Variants in ENPP2 observed in about 807,000 individuals in gnomAD.
ENPP2 encodes autotaxin.
A neutral mutation model predicts 120.2 loss-of-function variants in ENPP2; 51 were observed. That is an observed-to-expected ratio of 0.42 (90% CI 0.34 to 0.54). The LOEUF (loss-of-function observed/expected upper bound fraction) is 0.54. ENPP2 is among the 20% of genes least tolerant of loss of function. The pLI is 0.04. For missense variants in ENPP2, 920 were observed against 1,066.5 expected (o/e 0.86, Z 1.91); for synonymous variants, 365 against 366.4 (o/e 1.00, Z 0.04).
intron 1 of ENPP2, among the ~76,000 whole-genome samples, chr8:119,668,265 G>A (rs1587597566): frequency 6.6e-6 from 1 of 151,924 alleles, no homozygotes; most frequent in Admixed American, 6.5e-5. Context: ...CCACATATTA[G>A]GTGCTCAAAT....
intron 9 of ENPP2, among the ~76,000 whole-genome samples, chr8:119,603,373 T>C (rs1203708620): frequency 6.6e-6 from 1 of 152,154 alleles, no homozygotes; most frequent in Non-Finnish European, 1.5e-5. Flanking sequence ...AAATACAAAC[T>C]AACAGAATCT....
At chr8:119,580,084 C>T in intron 19 of ENPP2, 32 bp downstream of exon 19, 2 of 1,553,724 alleles carry the variant, frequency 1.3e-6, no homozygotes, top group Non-Finnish European at 1.8e-6. Flanking sequence ...ACGAGAAAAA[C>T]CTTATCTGAT....
intron 8 of ENPP2, among the ~76,000 whole-genome samples, chr8:119,615,068 T>C (rs1815366314): frequency 6.6e-6 from 1 of 152,138 alleles, no homozygotes. Context: ...TTTCTTAAAG[T>C]GAGATACCTT....
At chr8:119,596,112 G>A (rs902236695) in intron 11 of ENPP2, 26 of 998,098 alleles carry the variant, frequency 2.6e-5, no homozygotes, top group Non-Finnish European at 3.8e-5. Context: ...GAATAACTAA[G>A]GCTCCTTAAG....
chr8:119,660,226 G>A (rs775429548), intron 1 of ENPP2, among the ~76,000 whole-genome samples: 20 of 152,132 alleles, frequency 1.3e-4, no homozygotes, highest in Non-Finnish European at 2.4e-4. Flanking sequence ...TGAAAAAACA[G>A]TTATTTGAAA....
intron 18 of ENPP2, chr8:119,580,807 C>T (rs1812678572): frequency 6.6e-6 from 1 of 152,080 alleles, no homozygotes; most frequent in African/African-American, 2.4e-5. Flanking sequence ...AATAAGTGAG[C>T]TAAAACTTCA....
intron 12 of ENPP2, among the ~76,000 whole-genome samples, chr8:119,592,523 C>CCCAAA (rs1390202882): frequency 6.6e-6 from 1 of 150,884 alleles, no homozygotes; most frequent in Non-Finnish European, 1.5e-5. Flanking sequence ...CTGTAGTTGT[C>CCCAAA]CCAAACCAAA....
At chr8:119,560,497 T>C (rs1813845738) in intron 24 of ENPP2, among the ~76,000 whole-genome samples, 1 of 152,204 alleles carries the variant, frequency 6.6e-6, no homozygotes, top group African/African-American at 2.4e-5. Flanking sequence ...AATATTGTTG[T>C]CTTCCATCCT....
chr8:119,600,350 G>T (rs1814210079), intron 11 of ENPP2, among the ~76,000 whole-genome samples: 1 of 151,928 alleles, frequency 6.6e-6, no homozygotes, highest in Non-Finnish European at 1.5e-5. Context: ...TCCATGCCTA[G>T]CCCATTGAAG....
At chr8:119,571,005 T>A (rs748674027) in intron 19 of ENPP2, 164 bp from the exon 20 acceptor site, 64 of 437,294 alleles carry the variant, frequency 1.5e-4, no homozygotes, top group Non-Finnish European at 2.3e-4. Flanking sequence ...AACACTTTTG[T>A]GGTTGATCTG....
At chr8:119,643,884 G>A (rs537612395) in intron 1 of ENPP2, among the ~76,000 whole-genome samples, 108 of 152,284 alleles carry the variant, frequency 7.1e-4, no homozygotes, top group South Asian at 2.9e-3. Flanking sequence ...GTGTGGGAGT[G>A]AGTAACCAGA....
intron 8 of ENPP2, among the ~76,000 whole-genome samples, chr8:119,612,505 G>A (rs952811143): frequency 2.6e-5 from 4 of 152,074 alleles, no homozygotes; most frequent in Non-Finnish European, 4.4e-5. Flanking sequence ...TTTCACTGCA[G>A]TCATTCACTA....
intron 19 of ENPP2, chr8:119,571,529 A>G (rs1814980843): frequency 6.6e-6 from 1 of 152,184 alleles, no homozygotes. Context: ...TTCTTAGGAA[A>G]AAAAAAGGTC....
At chr8:119,561,366 A>T (rs1587313016) in intron 24 of ENPP2, among the ~76,000 whole-genome samples, 1 of 151,972 alleles carries the variant, frequency 6.6e-6, no homozygotes, top group African/African-American at 2.4e-5. Context: ...TGTCTAACAC[A>T]CTCTTGTTTC....
intron 12 of ENPP2, among the ~76,000 whole-genome samples, chr8:119,590,866 G>A (rs1813448450): frequency 6.6e-6 from 1 of 151,950 alleles, no homozygotes; most frequent in Admixed American, 6.6e-5. Flanking sequence ...AAGGTTGAAA[G>A]TGCATTACCT....
In ENPP2 at chr8:119,564,991, A is replaced by G. The variant is rs767897096; in HGVS notation, c.2132-36T>C. The stretch of plus-strand genomic sequence containing the variant: ...ACAAAAATCCAAAAATCAATTATTC[A>G]TGAAGAAAACTCCTTACTCTAGCCA... On this transcript the variant is annotated intron_variant, in intron 22 of 24. Transcript: ENST00000075322. 1.9e-6 allele frequency: 3 copies of G among 1,600,072 alleles called. No homozygotes were observed. The South Asian group carries it at 3.3e-5, about 18-fold the overall frequency.
At chr8:119,574,897 G>A (rs1479419096) in intron 19 of ENPP2, among the ~76,000 whole-genome samples, 5 of 151,976 alleles carry the variant, frequency 3.3e-5, no homozygotes. Flanking sequence ...TCTCTTTAGT[G>A]CCCTGTTCTT....
At chr8:119,637,184 G>A (rs191416934) in intron 2 of ENPP2, among the ~76,000 whole-genome samples, 35 of 152,240 alleles carry the variant, frequency 2.3e-4, no homozygotes, top group Admixed American at 1.1e-3. Flanking sequence ...GTTAATGGGA[G>A]TGAAAAAGAG....
chr8:119,595,580 C>T (rs1386443443), intron 11 of ENPP2, among the ~76,000 whole-genome samples: 1 of 152,144 alleles, frequency 6.6e-6, no homozygotes, highest in Non-Finnish European at 1.5e-5. Flanking sequence ...TTAATAGTCA[C>T]TCCAGCCTAA....
Sources: allele counts gnomAD v4.1 joint callset (sites outside exome capture counted in the v4.1 genomes callset), GRCh38; gene constraint gnomAD v4.1.1; transcripts MANE v1.5; gene names NCBI Gene and HGNC (gene_info 2026-07-23, HGNC 2026-07-21).